The following RTN1 variants were observed in gnomAD, a reference collection of about 807,000 sequenced individuals.
RTN1 encodes the protein reticulon 1.
A neutral mutation model predicts 65.5 loss-of-function variants in RTN1; 25 were observed. The observed-to-expected ratio is 0.38, with a 90% CI of 0.28 to 0.53. The LOEUF (loss-of-function observed/expected upper bound fraction) is 0.53, where lower values mean the gene tolerates loss of function less well. RTN1 is among the 20% of genes least tolerant of loss of function. The pLI is 0.79. For synonymous variants in RTN1, 471 were observed against 447.6 expected (o/e 1.05, Z -0.66); for missense variants, 983 against 1,025.4 (o/e 0.96, Z 0.57).
At chr14:59,826,357 T>A (rs1887030938) in intron 1 of RTN1, among the ~76,000 whole-genome samples, 1 of 152,170 alleles carries the variant, frequency 6.6e-6, no homozygotes, top group African/African-American at 2.4e-5. Context: ...TGACACTGTA[T>A]ATAAAACACT....
At chr14:59,760,766 T>C (rs559084556) in intron 1 of RTN1, among the ~76,000 whole-genome samples, 29 of 152,352 alleles carry the variant, frequency 1.9e-4, no homozygotes, top group Non-Finnish European at 1.5e-5. Flanking sequence ...TCTCTGGCGC[T>C]AAGCACATCC....
chr14:59,786,254 C>T (rs750923609), intron 1 of RTN1, among the ~76,000 whole-genome samples: 2 of 152,110 alleles, frequency 1.3e-5, no homozygotes, highest in African/African-American at 4.8e-5. Flanking sequence ...TCAGATAGGC[C>T]TAGGTTTGAA....
intron 3 of RTN1, among the ~76,000 whole-genome samples, chr14:59,668,515 G>A (rs1883430581): frequency 6.6e-6 from 1 of 152,156 alleles, no homozygotes; most frequent in African/African-American, 2.4e-5. Flanking sequence ...AGAAATCCTA[G>A]GCAATACCAT....
intron 3 of RTN1, among the ~76,000 whole-genome samples, chr14:59,679,652 G>C (rs1291858619): frequency 6.6e-6 from 1 of 152,148 alleles, no homozygotes; most frequent in African/African-American, 2.4e-5. Context: ...ACAGTGACCT[G>C]ACCTATGAGA....
intron 3 of RTN1, among the ~76,000 whole-genome samples, chr14:59,649,626 G>A (rs1233098399): frequency 6.6e-6 from 1 of 152,280 alleles, no homozygotes; most frequent in East Asian, 1.9e-4. Context: ...AGACATTTAT[G>A]TGGCTAACAA....
At chr14:59,739,700 T>G (rs1885078413) in intron 2 of RTN1, among the ~76,000 whole-genome samples, 1 of 152,090 alleles carries the variant, frequency 6.6e-6, no homozygotes, top group African/African-American at 2.4e-5. Flanking sequence ...ATCATTGACT[T>G]GGGGTCTGAT....
At chr14:59,800,668 G>C (rs1886528152) in intron 1 of RTN1, among the ~76,000 whole-genome samples, 1 of 152,096 alleles carries the variant, frequency 6.6e-6, no homozygotes, top group Non-Finnish European at 1.5e-5. Flanking sequence ...CCAAAGTGCT[G>C]GGATTACAGG....
At chr14:59,717,205 G>A (rs961410687) in intron 3 of RTN1, among the ~76,000 whole-genome samples, 15 of 152,082 alleles carry the variant, frequency 9.9e-5, no homozygotes, top group Admixed American at 4.6e-4. Context: ...TAGGTTTTGG[G>A]GCACATACTC....
At chr14:59,650,108 G>A (rs1298191043) in intron 3 of RTN1, among the ~76,000 whole-genome samples, 1 of 152,196 alleles carries the variant, frequency 6.6e-6, no homozygotes, top group Non-Finnish European at 1.5e-5. Flanking sequence ...CAGGGACTTG[G>A]ATGAAGCTGG....
At chr14:59,840,892 A>C (rs1887299741) in intron 1 of RTN1, among the ~76,000 whole-genome samples, 1 of 152,220 alleles carries the variant, frequency 6.6e-6, no homozygotes, top group Non-Finnish European at 1.5e-5. Context: ...CATGCCATTC[A>C]CAAAAGTAAT....
Position 59,603,133 on chromosome 14 carries a change from G to GA in RTN1, c.2230-11dup, listed in dbSNP as rs372518671. The GA allele has an allele frequency of 2.8e-3, 4,138 of 1,454,298 alleles. 3 individuals carry two copies. The highest frequency in any genetic ancestry group is 0.017 in the East Asian group (665 of 39,818). 90.1% of individuals were successfully genotyped at this position (1,454,298 alleles called of 1,614,324 possible). A position where few individuals can be genotyped will look rare whatever the true frequency, so the allele number is the denominator to read the frequency against. ...ATTGGTCAATCTGTGCCTACATAAA[G>GA]AAAAAAAAAATAATGAGCATATCCA... On this transcript the variant is annotated splice_polypyrimidine_tract_variant and intron_variant, in intron 7 of 8. Transcript: ENST00000267484.
At chr14:59,851,585 C>T (rs1022242414) in intron 1 of RTN1, among the ~76,000 whole-genome samples, 7 of 151,958 alleles carry the variant, frequency 4.6e-5, no homozygotes, top group African/African-American at 9.7e-5. Flanking sequence ...TTTGGCCAGG[C>T]GTGGTGGCTC....
rs1885842616 is a variant in RTN1, at chr14:59,766,016, G to A, written c.242-19535C>T. ...AGGCCTAGGCGGGTGGATCACCTGA[G>A]GTCAGGGGTTCAAGATCAGCCTGGC... On this transcript the variant is annotated intron_variant, in intron 1 of 8. Coordinates refer to ENST00000267484, the MANE Select transcript of RTN1 (RefSeq NM_021136.3). This position sits in a 1 kb window ranked among gnomAD's most constrained non-coding sequence, Gnocchi z 4.4. Among the ~76,000 whole-genome samples, 1 of 152,200 alleles carries A rather than the reference G, an allele frequency of 6.6e-6. No individual in the cohort carries two copies. The highest frequency in any genetic ancestry group is 1.5e-5 in the Non-Finnish European group (1 of 68,032).
intron 3 of RTN1, among the ~76,000 whole-genome samples, chr14:59,702,563 C>T (rs1884202336): frequency 6.6e-6 from 1 of 152,164 alleles, no homozygotes; most frequent in Non-Finnish European, 1.5e-5. Context: ...TGTTTCTTCT[C>T]CTGCCCCACA....
rs1566713548 is a variant in RTN1 at position 59,750,291 on chromosome 14, ATATC to A, written c.242-3814_242-3811del. Among the ~76,000 whole-genome samples, 19 of 52,606 alleles carry A rather than the reference ATATC, an allele frequency of 3.6e-4. 1 individual carries two copies. The highest frequency in any genetic ancestry group is 2.4e-3 in the African/African-American group (19 of 8,062). 34.5% of individuals were successfully genotyped at this position (52,606 alleles called of 152,430 possible). A position where few individuals can be genotyped will look rare whatever the true frequency, so the allele number is the denominator to read the frequency against. On this transcript the variant is annotated intron_variant, in intron 1 of 8. Coordinates refer to ENST00000267484, the MANE Select transcript of RTN1 (RefSeq NM_021136.3). ...ATATCTATAATATATAATATATATA[ATATC>A]TATAATATATAATATATAATATCTA... is the stretch of plus-strand genomic sequence containing the variant.
chr14:59,862,341 T>C (rs1594771527), intron 1 of RTN1, among the ~76,000 whole-genome samples: 1 of 152,302 alleles, frequency 6.6e-6, no homozygotes, highest in East Asian at 1.9e-4. Context: ...AGTAATCATG[T>C]AGGTGACTGT....
chr14:59,645,500 CCCAGCCTGGGTCT>C (rs1278076168), intron 3 of RTN1, among the ~76,000 whole-genome samples: 1 of 152,216 alleles, frequency 6.6e-6, no homozygotes, highest in African/African-American at 2.4e-5. Context: ...GGCAGGTTCT[CCCAGCCTGGGTCT>C]CCAGCCTTTC....
chr14:59,598,934 T>C (rs2140156003), intron 8 of RTN1, among the ~76,000 whole-genome samples: 1 of 152,326 alleles, frequency 6.6e-6, no homozygotes, highest in African/African-American at 2.4e-5. Flanking sequence ...GTCATCTTTG[T>C]GGCATTACTC....
intron 3 of RTN1, among the ~76,000 whole-genome samples, chr14:59,685,899 A>G (rs1412221890): frequency 1.3e-5 from 2 of 152,194 alleles, no homozygotes; most frequent in Non-Finnish European, 2.9e-5. Context: ...GAGGCATCAC[A>G]CTACCTGACT....
Sources: gnomAD v4.1 joint callset for allele counts (sites outside exome capture counted in the v4.1 genomes callset) on GRCh38, gnomAD v4.1.1 for gene constraint, Gnocchi (gnomAD v3.1) non-coding constraint, MANE v1.5 for transcripts, NCBI Gene and HGNC (gene_info 2026-07-23, HGNC 2026-07-21) for gene names.